HNF4A: variants seen among roughly 807,000 people sequenced by gnomAD.
The protein encoded by HNF4A is hepatocyte nuclear factor 4-alpha.
A neutral mutation model predicts 52.4 loss-of-function variants in HNF4A; 15 were observed. The observed-to-expected ratio is 0.29, with a 90% CI of 0.19 to 0.44. HNF4A has a LOEUF of 0.44. Ranked by LOEUF, HNF4A falls within the 20% of genes least tolerant of loss-of-function variation. The pLI, the probability that HNF4A is intolerant of heterozygous loss-of-function variation, is 1.00. For missense variants in HNF4A, 479 were observed against 647.2 expected (o/e 0.74, Z 2.82); for synonymous variants, 280 against 264.4 (o/e 1.06, Z -0.57).
chr20:44,423,988 C>T (rs992593082), intron 7 of HNF4A, 30 bp from the exon 8 acceptor site: 15 of 1,609,200 alleles, frequency 9.3e-6, no homozygotes, highest in Non-Finnish European at 1.3e-5. Context: ...GACCCTGCTG[C>T]CCTCCCTTGC....
chr20:44,377,292 A>G (rs147591082), intron 1 of HNF4A, among the ~76,000 whole-genome samples: 2,200 of 152,292 alleles, frequency 0.014, 28 homozygotes, highest in Non-Finnish European at 0.018. Flanking sequence ...CAAAGGGGTT[A>G]GAGAGGGAGG....
upstream of HNF4A, chr20:44,401,144 CCTATCCACCGGCGGGGGA>C (rs1007722178): frequency 2.7e-5 from 37 of 1,350,990 alleles, no homozygotes; most frequent in Non-Finnish European, 3.6e-5. Flanking sequence ...CCCCGCCCAG[CCTATCCACCGGCGGGGGA>C]CCGATTAACC....
intron 1 of HNF4A, among the ~76,000 whole-genome samples, chr20:44,393,049 G>T (rs1284302669): frequency 6.6e-6 from 1 of 152,156 alleles, no homozygotes; most frequent in Non-Finnish European, 1.5e-5. Context: ...AATCCCTGGG[G>T]CCCCTCAGAA....
chr20:44,417,386 T>C (rs1371979658), intron 5 of HNF4A, among the ~76,000 whole-genome samples: 3 of 152,186 alleles, frequency 2.0e-5, no homozygotes, highest in Non-Finnish European at 4.4e-5. Flanking sequence ...AAGTCTTGCC[T>C]TGTACCCCCT....
intron 5 of HNF4A, among the ~76,000 whole-genome samples, chr20:44,418,076 G>T (rs577493618): frequency 6.6e-6 from 1 of 151,988 alleles, no homozygotes; most frequent in East Asian, 1.9e-4. Context: ...GGAACTTTTT[G>T]GGATCATAGA....
intron 1 of HNF4A, among the ~76,000 whole-genome samples, chr20:44,386,990 A>C (rs981619973): frequency 5.3e-5 from 8 of 152,296 alleles, no homozygotes; most frequent in Non-Finnish European, 8.8e-5. Flanking sequence ...TCCAACAACT[A>C]TCCATTAAAC....
chr20:44,433,556 C>T (rs2063900163), downstream of HNF4A: 1 of 152,282 alleles, frequency 6.6e-6, no homozygotes, highest in African/African-American at 2.4e-5. Flanking sequence ...TGGTGTGTGC[C>T]TATAGTACCA....
At chr20:44,411,633 C>G (rs188058379) in intron 3 of HNF4A, among the ~76,000 whole-genome samples, 3 of 152,198 alleles carry the variant, frequency 2.0e-5, no homozygotes, top group Non-Finnish European at 4.4e-5. Context: ...GACTTCTGTT[C>G]TATCCACTGA....
chr20:44,425,712 T>C (rs981636905), intron 8 of HNF4A, among the ~76,000 whole-genome samples: 3 of 147,102 alleles, frequency 2.0e-5, no homozygotes, highest in Non-Finnish European at 4.5e-5. Flanking sequence ...TGGAGTGCAG[T>C]GGCGCAATCA....
upstream of HNF4A, among the ~76,000 whole-genome samples, chr20:44,399,027 C>A (rs935800502): frequency 2.0e-5 from 3 of 152,170 alleles, no homozygotes; most frequent in East Asian, 5.8e-4. Flanking sequence ...TGGGCTCAGC[C>A]CTTGGAGGCT....
intron 1 of HNF4A, among the ~76,000 whole-genome samples, chr20:44,388,111 C>CA (rs5841554): frequency 0.37 from 56,234 of 150,400 alleles, 11,502 homozygotes; most frequent in East Asian, 0.56. Flanking sequence ...TAAATTGAGA[C>CA]AGAGTCTCAC....
At chr20:44,393,239 G>A (rs1460445271) in intron 1 of HNF4A, among the ~76,000 whole-genome samples, 1 of 152,188 alleles carries the variant, frequency 6.6e-6, no homozygotes, top group African/African-American at 2.4e-5. Flanking sequence ...AAACAGGAGG[G>A]ATGAACATAA....
chr20:44,404,993 GCT>G (rs1160360974), intron 1 of HNF4A, among the ~76,000 whole-genome samples: 2 of 124,992 alleles, frequency 1.6e-5, no homozygotes, highest in South Asian at 5.2e-4. Flanking sequence ...GTGTGTGTGT[GCT>G]TGTGTGTGGT....
At chr20:44,385,585 C>T (rs956115088) in intron 1 of HNF4A, among the ~76,000 whole-genome samples, 8 of 151,848 alleles carry the variant, frequency 5.3e-5, no homozygotes, top group Non-Finnish European at 1.0e-4. Flanking sequence ...TCTCCTGCCC[C>T]AGCCTCCCAA....
intron 5 of HNF4A, 70 bp downstream of exon 5, chr20:44,414,732 C>G (rs2146418463): frequency 6.9e-7 from 1 of 1,446,204 alleles, no homozygotes; most frequent in Admixed American, 2.0e-5. Context: ...GCTGGCCCAC[C>G]TGGGATATAG....
rs150728570 is a variant in HNF4A, at chr20:44,390,529, C to T, written c.50-15529C>T. On this transcript the variant is annotated intron_variant, in intron 1 of 9. Transcript: ENST00000316673. ...ATTGTGACCAGTATTAAGGGATTAACTCTGCCCAGCGGCCCTCGCAGGGTC... is the reference window on the plus strand; with the variant it reads ...ATTGTGACCAGTATTAAGGGATTAATTCTGCCCAGCGGCCCTCGCAGGGTC... 1,131 of 683,076 alleles carry T rather than the reference C, an allele frequency of 1.7e-3. 11 individuals are homozygous for T. In the African/African-American group the frequency reaches 0.018, roughly 11 times the overall value. 42.3% of individuals were successfully genotyped at this position (683,076 alleles called of 1,614,324 possible). A position where few individuals can be genotyped will look rare whatever the true frequency, so the allele number is the denominator to read the frequency against.
intron 1 of HNF4A, chr20:44,391,379 C>T (rs957715002): frequency 1.3e-5 from 2 of 152,628 alleles, no homozygotes; most frequent in Admixed American, 6.5e-5. Flanking sequence ...ACTTCATCCT[C>T]TCTTTGGGAT....
At chr20:44,364,372 T>C (rs2062949454) in intron 1 of HNF4A, among the ~76,000 whole-genome samples, 1 of 152,220 alleles carries the variant, frequency 6.6e-6, no homozygotes, top group African/African-American at 2.4e-5. Flanking sequence ...AAATATTTAA[T>C]GGAGGGTCTC....
intron 3 of HNF4A, among the ~76,000 whole-genome samples, chr20:44,412,174 A>G (rs1270479857): frequency 6.6e-6 from 1 of 152,236 alleles, no homozygotes; most frequent in African/African-American, 2.4e-5. Flanking sequence ...GGCTGGGACT[A>G]CAGCAGTGAA....
Sources: gnomAD v4.1 joint callset for allele counts (sites outside exome capture counted in the v4.1 genomes callset) on GRCh38, gnomAD v4.1.1 for gene constraint, MANE v1.5 for transcripts, NCBI Gene and HGNC (gene_info 2026-07-23, HGNC 2026-07-21) for gene names.